CNTN1: variants seen among roughly 807,000 people sequenced by gnomAD.
The protein encoded by CNTN1 is contactin 1.
Under a neutral mutation model 126.4 loss-of-function variants are expected in CNTN1, and 38 were observed. The ratio of observed to expected loss-of-function variants is 0.30; its 90% CI spans 0.23 to 0.39. The LOEUF is 0.39. CNTN1 is among the 10% of genes least tolerant of loss of function. The pLI is 1.00. For missense variants in CNTN1, 1,009 were observed against 1,248.4 expected (o/e 0.81, Z 2.89); for synonymous variants, 413 against 422.6 (o/e 0.98, Z 0.28).
chr12:40,804,217 T>A (rs1055491019), intron 1 of CNTN1, among the ~76,000 whole-genome samples: 1 of 152,034 alleles, frequency 6.6e-6, no homozygotes, highest in African/African-American at 2.4e-5. Flanking sequence ...GAAATTTCCA[T>A]CTATTCCTTT....
intron 1 of CNTN1, among the ~76,000 whole-genome samples, chr12:40,705,763 G>A (rs920474190): frequency 1.3e-5 from 2 of 152,202 alleles, no homozygotes; most frequent in African/African-American, 2.4e-5. Flanking sequence ...TCTGCAGGCT[G>A]TACAGGAAGC....
chr12:40,921,894 T>G (rs1293656161), intron 4 of CNTN1, among the ~76,000 whole-genome samples: 1 of 152,194 alleles, frequency 6.6e-6, no homozygotes, highest in Non-Finnish European at 1.5e-5. Context: ...TTTTAATACT[T>G]TATACAGTAT....
At chr12:40,736,509 C>T (rs1327861990) in intron 1 of CNTN1, among the ~76,000 whole-genome samples, 1 of 152,012 alleles carries the variant, frequency 6.6e-6, no homozygotes, top group Non-Finnish European at 1.5e-5. Flanking sequence ...ATAAGTGGCT[C>T]TCACAAGTGG....
intron 1 of CNTN1, among the ~76,000 whole-genome samples, chr12:40,791,195 ATTTT>A (rs1940208871): frequency 2.0e-5 from 3 of 152,096 alleles, no homozygotes. Context: ...TTTGTTTTAT[ATTTT>A]AGCAAATGAA....
chr12:40,964,741 C>T (rs1329827597), intron 15 of CNTN1, among the ~76,000 whole-genome samples: 1 of 152,028 alleles, frequency 6.6e-6, no homozygotes, highest in Non-Finnish European at 1.5e-5. Context: ...CACTTTTAAA[C>T]TCTTGGATAA....
At chr12:41,057,470 A>G (rs1196438111) in intron 23 of CNTN1, among the ~76,000 whole-genome samples, 2 of 151,906 alleles carry the variant, frequency 1.3e-5, no homozygotes, top group Non-Finnish European at 2.9e-5. Flanking sequence ...TAGCTCGGTG[A>G]AATATTTTTG....
intron 1 of CNTN1, among the ~76,000 whole-genome samples, chr12:40,697,725 G>T (rs941480920): frequency 2.0e-5 from 3 of 152,248 alleles, no homozygotes; most frequent in South Asian, 4.1e-4. Flanking sequence ...ATCCCAGTGC[G>T]AAATGGCTCT....
chr12:40,703,549 G>A (rs1387443822), intron 1 of CNTN1, among the ~76,000 whole-genome samples: 3 of 152,080 alleles, frequency 2.0e-5, no homozygotes, highest in Non-Finnish European at 2.9e-5. Flanking sequence ...TTGCTATATC[G>A]CTCTCATCTG....
intron 1 of CNTN1, among the ~76,000 whole-genome samples, chr12:40,805,405 T>TAGCCTAATAGA (rs1229615584): frequency 5.3e-5 from 8 of 152,070 alleles, no homozygotes; most frequent in Non-Finnish European, 1.0e-4. Context: ...AGGCTATCCT[T>TAGCCTAATAGA]AAGTTCATTG....
chr12:40,910,148 A>G, intron 3 of CNTN1, 43 bp downstream of exon 3: 1 of 1,424,298 alleles, frequency 7.0e-7, no homozygotes, highest in Non-Finnish European at 9.9e-7. Flanking sequence ...TCTTTTCTCT[A>G]TTGAATCATA....
At chr12:41,044,747 C>A (rs991874666) in intron 23 of CNTN1, among the ~76,000 whole-genome samples, 4 of 151,986 alleles carry the variant, frequency 2.6e-5, no homozygotes, top group African/African-American at 9.7e-5. Flanking sequence ...AGAAATTAAT[C>A]ATTTTTGGAG....
chr12:40,834,756 T>C (rs1941984292), intron 1 of CNTN1, among the ~76,000 whole-genome samples: 1 of 152,282 alleles, frequency 6.6e-6, no homozygotes, highest in Non-Finnish European at 1.5e-5. Flanking sequence ...ACGACTTTTA[T>C]TGTAATCTTT....
chr12:40,999,104 A>G (rs1032306454), intron 17 of CNTN1, among the ~76,000 whole-genome samples: 3 of 152,164 alleles, frequency 2.0e-5, no homozygotes, highest in African/African-American at 7.2e-5. Flanking sequence ...GGCAGCATTA[A>G]TTTCTTTTCA....
intron 19 of CNTN1, among the ~76,000 whole-genome samples, chr12:41,018,090 C>T (rs1271597249): frequency 1.4e-5 from 2 of 146,882 alleles, no homozygotes. Context: ...AAGTCCATCT[C>T]AAAAAAAAAA....
At chr12:40,851,300 A>T (rs1412241677) in intron 1 of CNTN1, among the ~76,000 whole-genome samples, 1 of 152,118 alleles carries the variant, frequency 6.6e-6, no homozygotes, top group Non-Finnish European at 1.5e-5. Flanking sequence ...TTTCCCTCTC[A>T]TTGTCCTGGC....
At chr12:41,000,588 A>G (rs766859612) in intron 17 of CNTN1, among the ~76,000 whole-genome samples, 4 of 151,940 alleles carry the variant, frequency 2.6e-5, no homozygotes, top group Non-Finnish European at 5.9e-5. Flanking sequence ...ACTTCATATT[A>G]TTAATAATTT....
chr12:40,861,171 C>T (rs955761827), intron 1 of CNTN1, among the ~76,000 whole-genome samples: 8 of 152,090 alleles, frequency 5.3e-5, no homozygotes, highest in African/African-American at 1.9e-4. Flanking sequence ...GAACATATCA[C>T]ATTTTCTTGA....
intron 4 of CNTN1, among the ~76,000 whole-genome samples, chr12:40,919,493 T>G (rs1160841358): frequency 6.6e-6 from 1 of 152,304 alleles, no homozygotes; most frequent in East Asian, 1.9e-4. Flanking sequence ...AATGGTTCCA[T>G]GAAGACAAAA....
chr12:40,855,708 CA>C (rs1282516095), intron 1 of CNTN1, among the ~76,000 whole-genome samples: 3 of 151,932 alleles, frequency 2.0e-5, no homozygotes, highest in African/African-American at 7.3e-5. Context: ...AAAAGAAGTA[CA>C]ACTTTATTGG....
Sources: allele counts gnomAD v4.1 joint callset (sites outside exome capture counted in the v4.1 genomes callset), GRCh38; gene constraint gnomAD v4.1.1; transcripts MANE v1.5; gene names NCBI Gene and HGNC (gene_info 2026-07-23, HGNC 2026-07-21).